ZNF536: variants seen among roughly 807,000 people sequenced by gnomAD.
ZNF536 encodes zinc finger protein 536.
A neutral mutation model predicts 84.5 loss-of-function variants in ZNF536; 13 were observed. The ratio of observed to expected loss-of-function variants is 0.15; its 90% CI spans 0.10 to 0.24. ZNF536 has a LOEUF of 0.24. ZNF536 is among the 10% of genes least tolerant of loss of function. ZNF536 has a pLI of 1.00. For missense variants in ZNF536, 1,536 were observed against 1,747.5 expected (o/e 0.88, Z 2.16); for synonymous variants, 811 against 742.5 (o/e 1.09, Z -1.50).
intron 1 of ZNF536, among the ~76,000 whole-genome samples, chr19:30,684,384 G>A (rs960242075): frequency 6.6e-6 from 1 of 152,134 alleles, no homozygotes; most frequent in Non-Finnish European, 1.5e-5. Context: ...TGATCCGCCC[G>A]CCTTGGCCTC....
chr19:30,672,430 CTT>C (rs993227851), intron 1 of ZNF536, among the ~76,000 whole-genome samples: 4 of 152,184 alleles, frequency 2.6e-5, no homozygotes, highest in African/African-American at 9.7e-5. Context: ...GCTAAGAGGG[CTT>C]TGAGAGCTAG....
intron 1 of ZNF536, among the ~76,000 whole-genome samples, chr19:30,635,788 C>A (rs1480506880): frequency 6.6e-6 from 1 of 152,268 alleles, no homozygotes; most frequent in Non-Finnish European, 1.5e-5. Flanking sequence ...ACAGCAGACC[C>A]ATACACAGAT....
chr19:30,560,784 A>T (rs1425247879), downstream of ZNF536, among the ~76,000 whole-genome samples: 3 of 152,224 alleles, frequency 2.0e-5, no homozygotes, highest in Non-Finnish European at 4.4e-5. Flanking sequence ...ATGTTGGGAG[A>T]TGATTATTCC....
At chr19:30,335,476 G>A (rs773853190) in intron 2 of ZNF536, among the ~76,000 whole-genome samples, 2 of 152,040 alleles carry the variant, frequency 1.3e-5, no homozygotes, top group Non-Finnish European at 2.9e-5. Flanking sequence ...GGCCTGGCAC[G>A]CCCACCCCTC....
chr19:30,557,186 T>C lies in ZNF536; in HGVS notation c.*22T>C, dbSNP rs2045997230. 6.2e-7 allele frequency: 1 copy of C among 1,613,814 alleles called. No homozygotes were observed. The highest frequency in any genetic ancestry group is 2.2e-5 in the East Asian group (1 of 44,876). ...GTGACACTCCCTGTCCTAGTCGGTC[T>C]ATCTGGACTTGCCCTTGTCTGTTCG... On this transcript the variant is annotated 3_prime_UTR_variant, in exon 5 of 5. Transcript: ENST00000355537.
chr19:30,658,018 TCCC>T (rs10607359), intron 1 of ZNF536, among the ~76,000 whole-genome samples: 1 of 147,848 alleles, frequency 6.8e-6, no homozygotes, highest in Admixed American at 6.8e-5. Flanking sequence ...GGCTTTCCAT[TCCC>T]CCCCCCCTTT....
chr19:30,647,806 G>A (rs1037999322), intron 1 of ZNF536, among the ~76,000 whole-genome samples: 3 of 152,126 alleles, frequency 2.0e-5, no homozygotes, highest in African/African-American at 7.2e-5. Flanking sequence ...CTGACCCTTT[G>A]CTAGCGAAAC....
chr19:30,332,580 A>G (rs770851250), intron 2 of ZNF536, among the ~76,000 whole-genome samples: 23 of 152,068 alleles, frequency 1.5e-4, no homozygotes, highest in Non-Finnish European at 2.5e-4. Context: ...CCACCTCCCT[A>G]TATAAAATCA....
chr19:30,704,918 T>C (rs911713951), intron 1 of ZNF536, among the ~76,000 whole-genome samples: 2 of 143,624 alleles, frequency 1.4e-5, no homozygotes, highest in African/African-American at 5.1e-5. Context: ...TCAGCAGAGC[T>C]CAGCACTTTT....
At chr19:30,670,629 T>C (rs1018840948) in intron 1 of ZNF536, among the ~76,000 whole-genome samples, 1 of 152,200 alleles carries the variant, frequency 6.6e-6, no homozygotes, top group Non-Finnish European at 1.5e-5. Context: ...GAGTTTCATT[T>C]GGTTTTGTTG....
chr19:30,535,944 A>G (rs995958166), intron 3 of ZNF536, among the ~76,000 whole-genome samples: 27 of 152,102 alleles, frequency 1.8e-4, no homozygotes, highest in African/African-American at 6.5e-4. Context: ...GGGGGAGACA[A>G]GAAACCCCTC....
intron 1 of ZNF536, among the ~76,000 whole-genome samples, chr19:30,704,980 A>C (rs2052166758): frequency 1.3e-5 from 2 of 151,134 alleles, no homozygotes; most frequent in Admixed American, 1.3e-4. Flanking sequence ...AAGCCAACAG[A>C]TCCCAGTCTT....
chr19:30,270,979 TC>T (rs1302721245), intron 1 of ZNF536, among the ~76,000 whole-genome samples: 2 of 151,976 alleles, frequency 1.3e-5, no homozygotes, highest in Non-Finnish European at 2.9e-5. Flanking sequence ...ACATCTGCCA[TC>T]CCCTTGTTAC....
At chr19:30,351,575 CCTT>C (rs2047931527) in intron 2 of ZNF536, among the ~76,000 whole-genome samples, 2 of 152,170 alleles carry the variant, frequency 1.3e-5, no homozygotes, top group African/African-American at 2.4e-5. Flanking sequence ...ATCATTTTCT[CCTT>C]CTTGTTATGA....
chr19:30,258,311 G>T (rs1253818999), intron 1 of ZNF536, among the ~76,000 whole-genome samples: 1 of 152,150 alleles, frequency 6.6e-6, no homozygotes, highest in Admixed American at 6.5e-5. Flanking sequence ...CCATCCTCTT[G>T]TTAAACGTGA....
Position 30,335,103 on chromosome 19 carries a change from A to T in ZNF536, c.-119-17265A>T, listed in dbSNP as rs958331660. Among the ~76,000 whole-genome samples, 4 of 152,252 alleles carry T rather than the reference A, an allele frequency of 2.6e-5. No homozygotes were observed. The South Asian group carries it at 8.3e-4, about 32-fold the overall frequency. On this transcript the variant is annotated intron_variant, in intron 2 of 5. Transcript: ENST00000585628. The stretch of plus-strand genomic sequence containing the variant: ...AGCATCTGGGGCTGGCGGAACAGGG[A>T]TGGGGACACAGAGGAGTCACGCAGG...
At chr19:30,698,840 A>T (rs1166514639) in intron 1 of ZNF536, among the ~76,000 whole-genome samples, 1 of 152,184 alleles carries the variant, frequency 6.6e-6, no homozygotes, top group Non-Finnish European at 1.5e-5. Flanking sequence ...ACTCTTAAGG[A>T]GTAGGGAGAT....
At chr19:30,500,287 CATGGGATGA>C (rs1186008925) in intron 2 of ZNF536, among the ~76,000 whole-genome samples, 3 of 150,148 alleles carry the variant, frequency 2.0e-5, no homozygotes, top group African/African-American at 7.4e-5. Context: ...AGCAGGATGC[CATGGGATGA>C]ATGTGGGTCT....
chr19:30,492,478 C>G (rs940782739), intron 2 of ZNF536, among the ~76,000 whole-genome samples: 6 of 152,118 alleles, frequency 3.9e-5, no homozygotes, highest in Admixed American at 3.9e-4. Context: ...TATATCAGAA[C>G]ATATTTCAAG....
Sources: allele counts gnomAD v4.1 joint callset (sites outside exome capture counted in the v4.1 genomes callset), GRCh38; gene constraint gnomAD v4.1.1; transcripts MANE v1.5; gene names NCBI Gene and HGNC (gene_info 2026-07-23, HGNC 2026-07-21).